Variants in PID1 observed in about 807,000 individuals in gnomAD.
PID1 encodes the protein phosphotyrosine interaction domain containing 1, also known as PTB-containing, cubilin and LRP1-interacting protein.
In PID1, 10 loss-of-function variants were observed where a neutral mutation model predicts 19.1. The ratio of observed to expected loss-of-function variants is 0.52; its 90% CI spans 0.32 to 0.89. The LOEUF (loss-of-function observed/expected upper bound fraction) is 0.89, where lower values mean the gene tolerates loss of function less well. PID1 is among the 40% of genes least tolerant of loss of function. The pLI is 0.03. For synonymous variants in PID1, 130 were observed against 116.0 expected (o/e 1.12, Z -0.78); for missense variants, 248 against 285.3 (o/e 0.87, Z 0.94).
chr2:229,191,257 C>T (rs147577138), intron 1 of PID1, among the ~76,000 whole-genome samples: 8 of 152,188 alleles, frequency 5.3e-5, no homozygotes, highest in African/African-American at 1.4e-4. Context: ...AAATCGCCAC[C>T]GATGGAGAAC....
intron 2 of PID1, among the ~76,000 whole-genome samples, chr2:229,026,704 G>A (rs1693432075): frequency 6.6e-6 from 1 of 152,174 alleles, no homozygotes; most frequent in African/African-American, 2.4e-5. Context: ...TAACAGCAGT[G>A]CCCAGTTCTT....
Position 229,177,862 on chromosome 2 carries a change from G to A in PID1, c.31-21898C>T, listed in dbSNP as rs571701987. On this transcript the variant is annotated intron_variant, in intron 1 of 2. Transcript: ENST00000392055. ...GACAATGCTCTGAGGTAGGAACTACGGTTAAACCCATTTACAGTGGTCAAA... is the reference window on the plus strand; with the variant it reads ...GACAATGCTCTGAGGTAGGAACTACAGTTAAACCCATTTACAGTGGTCAAA... Among the ~76,000 whole-genome samples, 4 of 152,174 alleles carry A rather than the reference G, an allele frequency of 2.6e-5. 1 individual carries two copies. In the South Asian group the frequency reaches 6.2e-4, roughly 24 times the overall value.
At chr2:229,058,669 T>C (rs1237478829) in intron 2 of PID1, among the ~76,000 whole-genome samples, 3 of 148,204 alleles carry the variant, frequency 2.0e-5, no homozygotes, top group Non-Finnish European at 4.4e-5. Context: ...GAATGCTAAG[T>C]CAATAAATTT....
chr2:229,265,031 A>G (rs1690556760), intron 1 of PID1, among the ~76,000 whole-genome samples: 1 of 152,206 alleles, frequency 6.6e-6, no homozygotes, highest in African/African-American at 2.4e-5. Flanking sequence ...ACATCTCTCT[A>G]TTTTACAGAT....
At chr2:229,149,377 T>A (rs145880199) in intron 2 of PID1, among the ~76,000 whole-genome samples, 1 of 152,166 alleles carries the variant, frequency 6.6e-6, no homozygotes, top group Admixed American at 6.5e-5. Flanking sequence ...GTGATGCTAA[T>A]TTCAAATACA....
intron 2 of PID1, among the ~76,000 whole-genome samples, chr2:229,083,295 A>G (rs1165863832): frequency 1.3e-5 from 2 of 152,218 alleles, no homozygotes; most frequent in Non-Finnish European, 2.9e-5. Flanking sequence ...CAAGTAATGG[A>G]CTGCCCAGCA....
chr2:229,026,153 C>A, intron 2 of PID1, 45 bp from the exon 3 acceptor site: 1 of 1,339,078 alleles, frequency 7.5e-7, no homozygotes. Context: ...CAGCAGAAGG[C>A]TCTTTGTTCT....
chr2:229,037,283 A>G (rs1395691177), intron 2 of PID1, among the ~76,000 whole-genome samples: 1 of 152,212 alleles, frequency 6.6e-6, no homozygotes, highest in African/African-American at 2.4e-5. Flanking sequence ...CGGAGGAAAA[A>G]GCAAATTTAC....
intron 2 of PID1, among the ~76,000 whole-genome samples, chr2:229,029,681 A>T (rs1237667217): frequency 2.0e-5 from 3 of 151,994 alleles, no homozygotes; most frequent in Non-Finnish European, 2.9e-5. Context: ...CTCTACTAAA[A>T]ATACAGAAAT....
At chr2:229,052,139 AACAACG>A (rs1694008544) in intron 2 of PID1, among the ~76,000 whole-genome samples, 1 of 152,222 alleles carries the variant, frequency 6.6e-6, no homozygotes, top group Non-Finnish European at 1.5e-5. Context: ...AAAGTGATTT[AACAACG>A]TTATAGTGCC....
At chr2:229,120,515 G>C (rs1489986889) in intron 2 of PID1, among the ~76,000 whole-genome samples, 3 of 151,696 alleles carry the variant, frequency 2.0e-5, no homozygotes. Context: ...CTGTCTTAGG[G>C]GTTGGTAGAG....
intron 1 of PID1, among the ~76,000 whole-genome samples, chr2:229,248,279 C>T (rs1690054543): frequency 6.6e-6 from 1 of 152,026 alleles, no homozygotes; most frequent in Non-Finnish European, 1.5e-5. Flanking sequence ...TTTCATGGTA[C>T]TGATATTTTT....
At chr2:229,195,010 T>C (rs897845387) in intron 1 of PID1, among the ~76,000 whole-genome samples, 1 of 151,952 alleles carries the variant, frequency 6.6e-6, no homozygotes, top group Non-Finnish European at 1.5e-5. Context: ...AGTTTATATC[T>C]TACTAATGAC....
At chr2:229,170,904 A>T (rs1203973846) in intron 1 of PID1, among the ~76,000 whole-genome samples, 1 of 152,242 alleles carries the variant, frequency 6.6e-6, no homozygotes, top group African/African-American at 2.4e-5. Context: ...CAGAGTAAAC[A>T]TACTTTCAAA....
chr2:229,186,305 G>A (rs531714181), intron 1 of PID1, among the ~76,000 whole-genome samples: 47 of 152,208 alleles, frequency 3.1e-4, no homozygotes, highest in East Asian at 2.5e-3. Flanking sequence ...ACAAGCTGTC[G>A]GTGGATCTAC....
At chr2:229,259,660 A>T (rs967572589) in intron 1 of PID1, among the ~76,000 whole-genome samples, 1 of 152,226 alleles carries the variant, frequency 6.6e-6, no homozygotes, top group Non-Finnish European at 1.5e-5. Flanking sequence ...CATTTTGTAT[A>T]TGAATATCCA....
chr2:229,260,817 A>ATTTTTTTTTTTTTTTT (rs66533277), intron 1 of PID1, among the ~76,000 whole-genome samples: 2 of 114,652 alleles, frequency 1.7e-5, no homozygotes, highest in Non-Finnish European at 1.8e-5. Flanking sequence ...TCTGATTGCC[A>ATTTTTTTTTTTTTTTT]TTTTTTTTTT....
At chr2:229,100,284 A>C (rs918664291) in intron 2 of PID1, among the ~76,000 whole-genome samples, 1 of 152,244 alleles carries the variant, frequency 6.6e-6, no homozygotes, top group African/African-American at 2.4e-5. Context: ...AGTTTTATTT[A>C]GTAATAGGAT....
Position 229,132,120 on chromosome 2 carries a change from C to G in PID1, c.177+23698G>C, listed in dbSNP as rs138827339. Among the ~76,000 whole-genome samples the G allele has an allele frequency of 2.0e-5, 3 of 152,246 alleles. No individual in the cohort carries two copies. The East Asian group carries it at 5.8e-4, about 29-fold the overall frequency. Reference sequence around the variant, plus strand: ...TTAAAGGTATATAGACTGCTCACTTCTGGGAGATGGAAGGCTTAAAATTGG... The same window carrying G: ...TTAAAGGTATATAGACTGCTCACTTGTGGGAGATGGAAGGCTTAAAATTGG... On this transcript the variant is annotated intron_variant, in intron 2 of 2. Transcript: ENST00000392055.
Sources: gnomAD v4.1 joint callset for allele counts (sites outside exome capture counted in the v4.1 genomes callset) on GRCh38, gnomAD v4.1.1 for gene constraint, MANE v1.5 for transcripts, NCBI Gene and HGNC (gene_info 2026-07-23, HGNC 2026-07-21) for gene names.